The following CSMD1 variants were observed in gnomAD, a reference collection of about 807,000 sequenced individuals.
CSMD1 encodes the protein CUB and Sushi multiple domains 1.
CSMD1 carries 213 observed loss-of-function variants against 417.5 expected under a neutral mutation model. The observed-to-expected ratio is 0.51, with a 90% CI of 0.46 to 0.57. CSMD1 has a LOEUF of 0.57. Ranked by LOEUF, CSMD1 falls within the 20% of genes least tolerant of loss-of-function variation. The probability of loss-of-function intolerance (pLI) is 0.00; values close to 1 mark genes in which losing one functional copy is unlikely to be tolerated. For synonymous variants in CSMD1, 2,862 were observed against 1,736.8 expected (o/e 1.65, Z -16.11); for missense variants, 6,923 against 4,529.7 (o/e 1.53, Z -15.17).
chr8:4,007,882 GCTTT>G (rs1816248758), intron 4 of CSMD1, among the ~76,000 whole-genome samples: 1 of 151,884 alleles, frequency 6.6e-6, no homozygotes, highest in Admixed American at 6.6e-5. Flanking sequence ...GAGATCTGTG[GCTTT>G]CTTAAGAATG....
At chr8:4,641,948 T>A (rs1283224355) in intron 1 of CSMD1, among the ~76,000 whole-genome samples, 2 of 152,204 alleles carry the variant, frequency 1.3e-5, no homozygotes, top group African/African-American at 4.8e-5. Flanking sequence ...TGCTGAACAC[T>A]TTTCTAATCT....
intron 7 of CSMD1, among the ~76,000 whole-genome samples, chr8:3,679,096 C>G (rs1268335572): frequency 6.6e-6 from 1 of 152,038 alleles, no homozygotes; most frequent in African/African-American, 2.4e-5. Context: ...ATTGTAAAGA[C>G]CATCGAGGCT....
chr8:3,162,354 T>G (rs1413215156), intron 37 of CSMD1, 77 bp from the exon 38 acceptor site: 2 of 907,636 alleles, frequency 2.2e-6, no homozygotes, highest in Non-Finnish European at 3.5e-6. Flanking sequence ...CAAAGTTTAT[T>G]TCTATTGCTC....
intron 5 of CSMD1, among the ~76,000 whole-genome samples, chr8:3,847,778 T>C (rs1311889888): frequency 6.6e-6 from 1 of 152,284 alleles, no homozygotes; most frequent in Non-Finnish European, 1.5e-5. Context: ...TTATCATAAG[T>C]GATTAGGAAA....
chr8:4,214,390 T>G (rs560451280), intron 3 of CSMD1, among the ~76,000 whole-genome samples: 20 of 152,310 alleles, frequency 1.3e-4, no homozygotes, highest in African/African-American at 4.6e-4. Context: ...CTCTGCCTCC[T>G]GGATTCAATC....
chr8:3,040,423 A>G (rs1811009523), intron 50 of CSMD1, among the ~76,000 whole-genome samples: 1 of 144,848 alleles, frequency 6.9e-6, no homozygotes, highest in Non-Finnish European at 1.5e-5. Flanking sequence ...TAACAGAAAT[A>G]TATATATGTA....
At chr8:3,891,499 A>C (rs567542380) in intron 5 of CSMD1, among the ~76,000 whole-genome samples, 2 of 152,080 alleles carry the variant, frequency 1.3e-5, no homozygotes, top group African/African-American at 2.4e-5. Flanking sequence ...GGACAACATA[A>C]CAAGACCCCA....
chr8:3,401,042 C>A (rs1427115105), intron 15 of CSMD1, among the ~76,000 whole-genome samples: 1 of 151,644 alleles, frequency 6.6e-6, no homozygotes, highest in African/African-American at 2.4e-5. Context: ...TATCGATATA[C>A]ATAATTATAT....
intron 29 of CSMD1, among the ~76,000 whole-genome samples, chr8:3,215,053 T>C (rs1797807319): frequency 6.6e-6 from 1 of 152,100 alleles, no homozygotes; most frequent in South Asian, 2.1e-4. Context: ...TCTGGAAAAA[T>C]TGAGGTTCAT....
At chr8:3,827,197 C>T (rs184285928) in intron 5 of CSMD1, among the ~76,000 whole-genome samples, 1 of 152,258 alleles carries the variant, frequency 6.6e-6, no homozygotes, top group East Asian at 1.9e-4. Context: ...CATATTCTCC[C>T]AAAGAGTAGG....
intron 37 of CSMD1, among the ~76,000 whole-genome samples, chr8:3,179,336 G>T (rs919698853): frequency 6.6e-6 from 1 of 152,076 alleles, no homozygotes; most frequent in Non-Finnish European, 1.5e-5. Context: ...TCAGAATGGT[G>T]TTAGTATAAA....
In CSMD1 at chr8:3,190,077, G is replaced by A. The variant is rs1194303154; in HGVS notation, c.5233C>T (p.Pro1745Ser). 6.3e-7 allele frequency: 1 copy of A among 1,594,772 alleles called. No homozygotes were observed. Among genetic ancestry groups the A allele is most frequent in the Admixed American group, 1.8e-5 (1 of 56,990 alleles). ...RTSDTQCSSVPEPRYGRRIGS... is the reference protein window; with the variant it reads ...RTSDTQCSSVSEPRYGRRIGS... The stretch of plus-strand genomic sequence containing the variant: ...ATTCTCCTTCCGTATCTGGGCTCGG[G>A]GACAGAGCTGCATTGGGTGTCACTG... Residue 1745 changes from proline (P) to serine (S), a missense_variant, in exon 34 of 70, where the codon CCC (proline) becomes TCC (serine). Pro to Ser is a moderately conservative substitution (Grantham distance 74). Coordinates refer to ENST00000635120, the MANE Select transcript of CSMD1 (RefSeq NM_033225.6).
chr8:3,831,928 G>C (rs150821091), intron 5 of CSMD1, among the ~76,000 whole-genome samples: 7 of 152,210 alleles, frequency 4.6e-5, no homozygotes, highest in South Asian at 2.1e-4. Context: ...ATACCCCCCA[G>C]AGATTAGTCC....
At position 4,032,104 on chromosome 8, in the gene CSMD1, T is replaced by C; in HGVS notation, c.416-5A>G. 1 of 1,591,078 alleles carries C rather than the reference T, an allele frequency of 6.3e-7. No homozygotes were observed. Among genetic ancestry groups the C allele is most frequent in the Non-Finnish European group, 8.6e-7 (1 of 1,164,314 alleles). The stretch of plus-strand genomic sequence containing the variant: ...CACAAGTGTGGCTAGGTAAAACTAT[T>C]GGAAAAAGAAAAGAAAGGAGAAAAA... On this transcript the variant is annotated splice_polypyrimidine_tract_variant and splice_region_variant and intron_variant, in intron 3 of 69. Transcript: ENST00000635120.
chr8:3,622,917 G>C (rs1194687344), intron 7 of CSMD1, among the ~76,000 whole-genome samples: 1 of 152,110 alleles, frequency 6.6e-6, no homozygotes, highest in Non-Finnish European at 1.5e-5. Context: ...TCAAAGAGAG[G>C]AATTACTGGG....
At chr8:3,393,751 A>C (rs1355987928) in intron 17 of CSMD1, among the ~76,000 whole-genome samples, 1 of 151,696 alleles carries the variant, frequency 6.6e-6, no homozygotes, top group African/African-American at 2.4e-5. Context: ...AAAAAACCAA[A>C]CACCACATGT....
chr8:3,398,487 C>G (rs1394620852), intron 16 of CSMD1, among the ~76,000 whole-genome samples: 1 of 152,078 alleles, frequency 6.6e-6, no homozygotes, highest in African/African-American at 2.4e-5. Flanking sequence ...TGCTGAAAAA[C>G]CTTTCCTGTG....
chr8:4,031,975 G>A lies in CSMD1; in HGVS notation c.540C>T (p.His180=), dbSNP rs368684088. The A allele has an allele frequency of 7.1e-5, 115 of 1,613,908 alleles. 1 individual carries two copies. In the Middle Eastern group the frequency reaches 8.3e-4, roughly 12 times the overall value. The change falls in exon 4 of 70, where the codon CAC becomes CAT. Residue 180 remains histidine (H), a synonymous_variant. Coordinates refer to ENST00000635120, the MANE Select transcript of CSMD1 (RefSeq NM_033225.6). ...SCLPGYILEG[H]AILTCIVSPG... ...GGCTGACGATGCAGGTCAGGATGGC[G>A]TGGCCTTCCAAGATGTAGCCAGGGA... is the stretch of plus-strand genomic sequence containing the variant.
intron 3 of CSMD1, among the ~76,000 whole-genome samples, chr8:4,060,193 C>T (rs1241470867): frequency 6.6e-6 from 1 of 151,778 alleles, no homozygotes; most frequent in East Asian, 1.9e-4. Context: ...AGACAAAAAC[C>T]ACATGATTAT....
Sources: allele counts gnomAD v4.1 joint callset (sites outside exome capture counted in the v4.1 genomes callset), GRCh38; gene constraint gnomAD v4.1.1; transcripts MANE v1.5; gene names NCBI Gene and HGNC (gene_info 2026-07-23, HGNC 2026-07-21).